The following KIF3C variants were observed in gnomAD, a reference collection of about 807,000 sequenced individuals.
The protein encoded by KIF3C is kinesin-like protein KIF3C.
Under a neutral mutation model 67.7 loss-of-function variants are expected in KIF3C, and 12 were observed. The ratio of observed to expected loss-of-function variants is 0.18; its 90% confidence interval spans 0.11 to 0.29. The LOEUF (loss-of-function observed/expected upper bound fraction) is 0.29. KIF3C is among the 10% of genes least tolerant of loss of function. The probability of loss-of-function intolerance (pLI) is 1.00; values close to 1 mark genes in which losing one functional copy is unlikely to be tolerated. For missense variants in KIF3C, 789 were observed against 1,059.6 expected (o/e 0.74, Z 3.55); for synonymous variants, 393 against 426.2 (o/e 0.92, Z 0.96).
At chr2:25,950,374 C>G (rs1284637894) in intron 5 of KIF3C, among the ~76,000 whole-genome samples, 4 of 151,738 alleles carry the variant, frequency 2.6e-5, no homozygotes. Context: ...CCTGCCACCA[C>G]GCCCAGCTAA....
chr2:25,941,015 A>G (rs943535069), intron 5 of KIF3C, among the ~76,000 whole-genome samples: 5 of 152,134 alleles, frequency 3.3e-5, no homozygotes, highest in Admixed American at 2.0e-4. Flanking sequence ...TGCCTTTAAA[A>G]AGAATCTAGG....
intron 1 of KIF3C, among the ~76,000 whole-genome samples, chr2:25,970,468 C>T (rs1025217016): frequency 3.3e-5 from 5 of 151,664 alleles, no homozygotes; most frequent in African/African-American, 9.7e-5. Context: ...AGGAGTTCGG[C>T]GCCAGTCTGG....
At chr2:25,963,809 C>T (rs1160233102) in intron 1 of KIF3C, among the ~76,000 whole-genome samples, 1 of 151,340 alleles carries the variant, frequency 6.6e-6, no homozygotes, top group East Asian at 2.0e-4. Flanking sequence ...TCTCCTGCCT[C>T]AGCCTCCTGA....
intron 1 of KIF3C, among the ~76,000 whole-genome samples, chr2:25,968,472 A>T (rs571488622): frequency 2.0e-5 from 3 of 152,214 alleles, no homozygotes; most frequent in African/African-American, 7.2e-5. Context: ...TTAGTGAAAA[A>T]ACCATGAGCC....
chr2:25,971,445 A>G (rs936565805), intron 1 of KIF3C, among the ~76,000 whole-genome samples: 2 of 152,012 alleles, frequency 1.3e-5, no homozygotes, highest in Non-Finnish European at 2.9e-5. Flanking sequence ...TCTCAAAAAA[A>G]AAAAAGAAAA....
chr2:25,949,451 G>C (rs1218393594), intron 5 of KIF3C, among the ~76,000 whole-genome samples: 1 of 151,950 alleles, frequency 6.6e-6, no homozygotes, highest in Admixed American at 6.6e-5. Context: ...TAGCTGGGAG[G>C]AGGACCACAT....
intron 1 of KIF3C, among the ~76,000 whole-genome samples, chr2:25,978,643 A>G (rs1664479152): frequency 6.6e-6 from 1 of 151,288 alleles, no homozygotes; most frequent in South Asian, 2.1e-4. Flanking sequence ...CACTGAGGGA[A>G]ACTGGTCAGT....
chr2:25,944,292 T>C (rs1559550171), intron 5 of KIF3C, among the ~76,000 whole-genome samples: 2 of 152,136 alleles, frequency 1.3e-5, no homozygotes, highest in African/African-American at 2.4e-5. Flanking sequence ...CTGTAATTAC[T>C]GTTCATATAA....
At chr2:25,937,333 T>C (rs932699037) in intron 5 of KIF3C, among the ~76,000 whole-genome samples, 3 of 152,184 alleles carry the variant, frequency 2.0e-5, no homozygotes, top group Admixed American at 6.5e-5. Context: ...GTGGTTTAGT[T>C]TATGATGCAT....
intron 5 of KIF3C, among the ~76,000 whole-genome samples, chr2:25,935,254 A>C (rs1663067761): frequency 1.3e-5 from 2 of 151,920 alleles, no homozygotes; most frequent in African/African-American, 2.4e-5. Context: ...AAAAAAAAAT[A>C]AATAATAAAA....
intron 1 of KIF3C, among the ~76,000 whole-genome samples, chr2:25,979,813 G>A (rs754529586): frequency 7.2e-5 from 11 of 152,066 alleles, no homozygotes; most frequent in East Asian, 1.9e-4. Flanking sequence ...CCTTGGTCAC[G>A]TCACTTCTCC....
intron 1 of KIF3C, among the ~76,000 whole-genome samples, chr2:25,975,734 G>A (rs1197925935): frequency 2.0e-5 from 3 of 152,078 alleles, no homozygotes; most frequent in Admixed American, 6.6e-5. Context: ...TGAGGCGGGT[G>A]GATCATGAGG....
intron 1 of KIF3C, among the ~76,000 whole-genome samples, chr2:25,957,209 G>A (rs761424456): frequency 2.6e-5 from 4 of 152,086 alleles, no homozygotes; most frequent in Admixed American, 6.6e-5. Flanking sequence ...ATTCTCCTCC[G>A]CATTTAATAA....
chr2:25,971,431 T>C lies in KIF3C; in HGVS notation c.1545+8942A>G, dbSNP rs558908093. Among the ~76,000 whole-genome samples, 47 of 148,726 alleles carry C rather than the reference T, an allele frequency of 3.2e-4. 1 individual carries two copies. Among genetic ancestry groups the C allele is most frequent in the African/African-American group, 1.0e-3 (42 of 40,406 alleles). On this transcript the variant is annotated intron_variant, in intron 1 of 7. Transcript: ENST00000264712. ...CTCCAGCCTGGTGACAGAGACAGACTACATCTCAAAAAAAAAAAAGAAAAA... is the reference window on the plus strand; with the variant it reads ...CTCCAGCCTGGTGACAGAGACAGACCACATCTCAAAAAAAAAAAAGAAAAA...
At chr2:25,965,655 A>G (rs1465479659) in intron 1 of KIF3C, among the ~76,000 whole-genome samples, 1 of 151,382 alleles carries the variant, frequency 6.6e-6, no homozygotes, top group Non-Finnish European at 1.5e-5. Flanking sequence ...ACCATCACCT[A>G]TGAGGATAGG....
chr2:25,938,811 A>G (rs1663209198), intron 5 of KIF3C, among the ~76,000 whole-genome samples: 1 of 152,000 alleles, frequency 6.6e-6, no homozygotes, highest in Admixed American at 6.6e-5. Context: ...CCCCACAACC[A>G]CAGTTATCCT....
chr2:25,948,572 G>A (rs1298666821), intron 5 of KIF3C, among the ~76,000 whole-genome samples: 1 of 147,166 alleles, frequency 6.8e-6, no homozygotes, highest in Non-Finnish European at 1.5e-5. Flanking sequence ...AGGAAGTAAG[G>A]AAGAAAATAA....
At chr2:25,933,075 A>T (rs1574477318) in intron 5 of KIF3C, among the ~76,000 whole-genome samples, 1 of 151,828 alleles carries the variant, frequency 6.6e-6, no homozygotes, top group Admixed American at 6.6e-5. Context: ...ACATGGTGAA[A>T]CCCCGTCTCT....
intron 1 of KIF3C, among the ~76,000 whole-genome samples, chr2:25,964,585 G>C (rs966465047): frequency 6.6e-6 from 1 of 151,866 alleles, no homozygotes; most frequent in East Asian, 1.9e-4. Context: ...TCCCACCTCA[G>C]CCTTCTGAGT....
Sources: allele counts gnomAD v4.1 joint callset (sites outside exome capture counted in the v4.1 genomes callset), GRCh38; gene constraint gnomAD v4.1.1; transcripts MANE v1.5; gene names NCBI Gene and HGNC (gene_info 2026-07-23, HGNC 2026-07-21).